Variants in FAT2 observed in about 807,000 individuals in gnomAD.
FAT2 encodes the protein protocadherin Fat 2.
FAT2 carries 150 observed loss-of-function variants against 295.3 expected under a neutral mutation model. The ratio of observed to expected loss-of-function variants is 0.51; its 90% confidence interval spans 0.44 to 0.58. The LOEUF (loss-of-function observed/expected upper bound fraction) is 0.58. Among genes scored for constraint, FAT2 ranks in the 20% least tolerant of loss-of-function variants. The pLI, the probability that FAT2 is intolerant of heterozygous loss-of-function variation, is 0.00. For missense variants in FAT2, 4,868 were observed against 5,442.7 expected, an observed-to-expected ratio of 0.89 and a Z score of 3.32; for synonymous variants, 2,026 against 2,150.3, an observed-to-expected ratio of 0.94 and a Z score of 1.60.
rs1335987146 is a variant in FAT2 at position 151,568,400 on chromosome 5, C to G, written c.532G>C (p.Gly178Arg). Residue 178 changes from glycine to arginine, a missense_variant, in exon 2 of 24, where the codon GGC (glycine) becomes CGC (arginine). Physicochemically the swap from Gly to Arg is moderately radical, Grantham distance 125 (BLOSUM62 -2). This residue lies in a region of FAT2 where 3,297 missense variants were observed against 3,669.4 expected (regional missense o/e 0.90). Coordinates refer to ENST00000261800, the MANE Select transcript of FAT2 (RefSeq NM_001447.3). ...GCATAATAGAACTCAGCATTCTGGC[C>G]TAGATCAGCATCTGTGGCAGTCACC... Reference protein sequence around the residue: ...CKVTATDADLGQNAEFYYAFN... With the variant: ...CKVTATDADLRQNAEFYYAFN... 1 of 1,614,210 alleles carries G rather than the reference C, an allele frequency of 6.2e-7. No homozygotes were observed. The highest frequency in any genetic ancestry group is 1.7e-5 in the Admixed American group (1 of 60,024).
At chr5:151,584,685 C>G (rs1387509476) in intron 1 of FAT2, among the ~76,000 whole-genome samples, 1 of 152,226 alleles carries the variant, frequency 6.6e-6, no homozygotes, top group Non-Finnish European at 1.5e-5. Context: ...AAGGCAGGTA[C>G]TATCCTTTCA....
rs534459823 is a variant in FAT2, at chr5:151,567,077, T to A, written c.1855A>T (p.Ile619Leu). The part of the protein sequence containing the change: ...YFDLNHFSGV[I>L]SLKRPFINLT... ...TTGATAAAAGGGCGTTTGAGGGATA[T>A]CACTCCGGAGAAATGATTTAGATCA... Residue 619 changes from isoleucine (I) to leucine (L), a missense_variant, in exon 2 of 24, where the codon ATA (isoleucine) becomes TTA (leucine). This residue lies in a region of FAT2 where 3,297 missense variants were observed against 3,669.4 expected (regional missense o/e 0.90). Coordinates refer to ENST00000261800, the MANE Select transcript of FAT2 (RefSeq NM_001447.3). The A allele has an allele frequency of 9.9e-5, 160 of 1,614,112 alleles. 1 individual carries two copies. The South Asian group carries it at 1.7e-3, about 17-fold the overall frequency.
At chr5:151,560,052 C>G (rs956376806) in intron 3 of FAT2, among the ~76,000 whole-genome samples, 1 of 152,200 alleles carries the variant, frequency 6.6e-6, no homozygotes, top group Non-Finnish European at 1.5e-5. Context: ...CTTCCCTCAT[C>G]CAACAGTTTT....
chr5:151,550,397 G>T (rs1267313745), intron 8 of FAT2, among the ~76,000 whole-genome samples, 193 bp downstream of exon 8: 1 of 152,156 alleles, frequency 6.6e-6, no homozygotes, highest in Non-Finnish European at 1.5e-5. Flanking sequence ...TTCCTTGGCA[G>T]CCGTCCCATC....
chr5:151,525,927 G>A lies in FAT2; in HGVS notation c.10347C>T (p.Ile3449=), dbSNP rs986730020. ...SPIGSKVLQL[I]LSDPDSPENG... is the part of the protein sequence containing the mutation. ...TCTCTGGAGAATCTGGGTCACTCAG[G>A]ATCAGCTGCAGGACTTTGCTGCCAA... Residue 3449 remains isoleucine, a synonymous_variant, in exon 18 of 24, where the codon ATC becomes ATT. Transcript: ENST00000261800. 6.2e-7 allele frequency: 1 copy of A among 1,614,078 alleles called. No homozygotes were observed. Among genetic ancestry groups the A allele is most frequent in the Admixed American group, 1.7e-5 (1 of 60,008 alleles).
rs746154491 is a variant in FAT2 at position 151,556,362 on chromosome 5, C to A, written c.3615G>T (p.Lys1205Asn). The change falls in exon 4 of 24, where the codon AAG becomes AAT. Residue 1205 changes from lysine to asparagine, a missense_variant. Transcript: ENST00000261800. ...TACTTACCTCCAGGATGTGTTCATCCTTGTTCTCTCTGTCCAGCTGCTGGG... is the reference window on the plus strand; with the variant it reads ...TACTTACCTCCAGGATGTGTTCATCATTGTTCTCTCTGTCCAGCTGCTGGG... ...STAQQLDREN[K>N]DEHILEVTVL... 1 of 1,613,866 alleles carries A rather than the reference C, an allele frequency of 6.2e-7. No individual in the cohort carries two copies. The highest frequency in any genetic ancestry group is 1.7e-5 in the Admixed American group (1 of 60,024).
intron 12 of FAT2, among the ~76,000 whole-genome samples, chr5:151,536,626 G>T (rs1755324385): frequency 6.6e-6 from 1 of 152,178 alleles, no homozygotes; most frequent in African/African-American, 2.4e-5. Flanking sequence ...TACCCTGCAG[G>T]AATCTCTGCT....
intron 19 of FAT2, among the ~76,000 whole-genome samples, chr5:151,518,458 C>T (rs899320856): frequency 4.7e-5 from 7 of 149,872 alleles, no homozygotes; most frequent in African/African-American, 1.7e-4. Flanking sequence ...ACATAGTTTC[C>T]ATGTTATTTC....
At position 151,566,433 on chromosome 5, in the gene FAT2, T is replaced by C. The variant is rs1450990435; in HGVS notation, c.2499A>G (p.Thr833=). 2.5e-6 allele frequency: 4 copies of C among 1,613,330 alleles called. No homozygotes were observed. The highest frequency in any genetic ancestry group is 3.4e-6 in the Non-Finnish European group (4 of 1,179,646). Residue 833 remains threonine, a synonymous_variant, in exon 2 of 24, where the codon ACA becomes ACG. Coordinates refer to ENST00000261800, the MANE Select transcript of FAT2 (RefSeq NM_001447.3). ...GCTCTGCAATTGTGGTTCCAACTTC[T>C]GTGTCCTCCGAGATGGTTAACTGGT... ...GGYQLTISED[T]EVGTTIAELT...
chr5:151,523,990 A>T (rs1288955453), intron 18 of FAT2, among the ~76,000 whole-genome samples: 2 of 152,020 alleles, frequency 1.3e-5, no homozygotes, highest in Non-Finnish European at 2.9e-5. Context: ...ACTCCTATCA[A>T]TTTACATACA....
Position 151,575,136 on chromosome 5 carries a change from C to A in FAT2, c.-20-6185G>T, listed in dbSNP as rs1219207165. 3.3e-5 allele frequency among the ~76,000 whole-genome samples: 5 copies of A among 152,208 alleles called. No individual in the cohort carries two copies. The East Asian group carries it at 9.6e-4, about 29-fold the overall frequency. On this transcript the variant is annotated intron_variant, in intron 1 of 23. Transcript: ENST00000261800. ...AGGGGATTTGACTGTAAAAGTCAGGCCTGTCCTAGTCTGGAGTTAGAAATG... is the reference window on the plus strand; with the variant it reads ...AGGGGATTTGACTGTAAAAGTCAGGACTGTCCTAGTCTGGAGTTAGAAATG...
intron 1 of FAT2, among the ~76,000 whole-genome samples, chr5:151,587,621 A>T (rs1406925296): frequency 6.6e-6 from 1 of 152,198 alleles, no homozygotes; most frequent in African/African-American, 2.4e-5. Flanking sequence ...TCTCCATGCC[A>T]GCCTGGGTTT....
rs376169739 is a variant in FAT2 at position 151,558,729 on chromosome 5, G to A, written c.3575-2327C>T. ...TTTATTATTATTATTATTCACTAGG[G>A]TCCTAGTACTGGCTCTTCCCATGAC... On this transcript the variant is annotated intron_variant, in intron 3 of 23. Coordinates refer to ENST00000261800, the MANE Select transcript of FAT2 (RefSeq NM_001447.3). 6.6e-5 allele frequency among the ~76,000 whole-genome samples: 10 copies of A among 152,258 alleles called. No homozygotes were observed. The East Asian group carries it at 1.2e-3, about 18-fold the overall frequency.
chr5:151,542,313 C>G lies in FAT2; in HGVS notation c.8814G>C (p.Gln2938His), dbSNP rs755879806. The change falls in exon 10 of 24, where the codon CAG becomes CAC. Residue 2938 changes from glutamine (Q) to histidine (H), a missense_variant. Physicochemically the swap from Gln to His is conservative, Grantham distance 24 (BLOSUM62 0). Around this residue, in one of 5 missense-constraint regions of FAT2, gnomAD observed 3,297 missense variants for 3,669.4 expected, o/e 0.90. Transcript: ENST00000261800. ...LKTLDADISE[Q>H]NRQVTCYITE... Reference sequence around the variant, plus strand: ...TGATGTAGCAGGTGACCTGCCTGTTCTGCTCAGAAATGTCAGCATCCAGGG... The same window carrying G: ...TGATGTAGCAGGTGACCTGCCTGTTGTGCTCAGAAATGTCAGCATCCAGGG... The G allele has an allele frequency of 8.1e-6, 13 of 1,609,614 alleles. No homozygotes were observed. Among genetic ancestry groups the G allele is most frequent in the Non-Finnish European group, 1.1e-5 (13 of 1,177,850 alleles).
chr5:151,508,682 C>G (rs958952056), intron 22 of FAT2, among the ~76,000 whole-genome samples: 5 of 151,280 alleles, frequency 3.3e-5, no homozygotes, highest in African/African-American at 1.2e-4. Flanking sequence ...TGCACTGCAG[C>G]CTGGGCGACA....
chr5:151,506,086 C>G lies in FAT2; in HGVS notation c.12529G>C (p.Gly4177Arg), dbSNP rs774731481. The change falls in exon 24 of 24, where the codon GGA becomes CGA. Residue 4177 changes from glycine (G) to arginine (R), a missense_variant. Gly to Arg is a moderately radical substitution (Grantham distance 125). This residue lies in a region of FAT2 where 492 missense variants were observed against 482.6 expected (regional missense o/e 1.02). Coordinates refer to ENST00000261800, the MANE Select transcript of FAT2 (RefSeq NM_001447.3). The part of the protein sequence containing the change: ...WSSEEMVYPG[G>R]AMVWPPTYSR... Reference sequence around the variant, plus strand: ...TAAGTAGGGGGCCAGACCATGGCTCCGCCAGGGTACACTGAAAGGGAACAG... The same window carrying G: ...TAAGTAGGGGGCCAGACCATGGCTCGGCCAGGGTACACTGAAAGGGAACAG... 7.2e-6 allele frequency: 11 copies of G among 1,518,164 alleles called. No individual in the cohort carries two copies. The highest frequency in any genetic ancestry group is 9.6e-6 in the Non-Finnish European group (11 of 1,142,608). The allele number at this position is 1,518,164 out of a possible 1,614,324, so 94.0% of individuals were successfully genotyped here.
chr5:151,552,912 G>GAA (rs1757348965), intron 6 of FAT2, among the ~76,000 whole-genome samples: 1 of 152,238 alleles, frequency 6.6e-6, no homozygotes, highest in Non-Finnish European at 1.5e-5. Context: ...GGTCTCCTAG[G>GAA]CCCTTGGGGT....
In FAT2 at chr5:151,554,432, C is replaced by T. The variant is rs2127630492; in HGVS notation, c.3875G>A (p.Ser1292Asn). The T allele has an allele frequency of 1.2e-6, 2 of 1,614,222 alleles. No individual in the cohort carries two copies. The highest frequency in any genetic ancestry group is 1.6e-4 in the Middle Eastern group (1 of 6,062). The change falls in exon 5 of 24, where the codon AGT (serine) becomes AAT (asparagine). Residue 1292 changes from serine (S) to asparagine (N), a missense_variant. This residue lies in a region of FAT2 where 3,297 missense variants were observed against 3,669.4 expected (regional missense o/e 0.90). Transcript: ENST00000261800. Reference protein sequence around the residue: ...SIEDSDEEAFSIDLVTGVVSS... With the variant: ...SIEDSDEEAFNIDLVTGVVSS... The stretch of plus-strand genomic sequence containing the variant: ...AACCACACCTGTGACCAGGTCGATA[C>T]TGAAGGCCTCCTCATCGCTGTCCTC...
At chr5:151,571,688 G>A (rs532740350) in intron 1 of FAT2, among the ~76,000 whole-genome samples, 1 of 152,340 alleles carries the variant, frequency 6.6e-6, no homozygotes, top group African/African-American at 2.4e-5. Context: ...GCTGTTTCCT[G>A]GCCCCAGGTT....
Sources: allele counts gnomAD v4.1 joint callset (sites outside exome capture counted in the v4.1 genomes callset), GRCh38; gene constraint gnomAD v4.1.1; regional missense constraint gnomAD v4.1.1; transcripts MANE v1.5; gene names NCBI Gene and HGNC (gene_info 2026-07-23, HGNC 2026-07-21).